Variants in MAPK10 observed in about 807,000 individuals in gnomAD.
MAPK10 encodes mitogen-activated protein kinase 10, also known as JNK3 alpha protein kinase.
MAPK10 carries 25 observed loss-of-function variants against 59.3 expected under a neutral mutation model. The ratio of observed to expected loss-of-function variants is 0.42; its 90% CI spans 0.31 to 0.59. The LOEUF (loss-of-function observed/expected upper bound fraction) is 0.59, where lower values mean the gene tolerates loss of function less well. Ranked by LOEUF, MAPK10 falls within the 20% of genes least tolerant of loss-of-function variation. MAPK10 has a pLI of 0.15. For synonymous variants in MAPK10, 190 were observed against 200.5 expected, an observed-to-expected ratio of 0.95 and a Z score of 0.44; for missense variants, 351 against 568.9, an observed-to-expected ratio of 0.62 and a Z score of 3.90.
At chr4:86,481,430 A>G (rs370746389) in intron 1 of MAPK10, among the ~76,000 whole-genome samples, 1 of 69,796 alleles carries the variant, frequency 1.4e-5, no homozygotes, top group Non-Finnish European at 3.9e-5. Flanking sequence ...AAAGTGGAGG[A>G]AAAAAAAAAA....
chr4:86,092,409 T>A (rs938584471), intron 9 of MAPK10, among the ~76,000 whole-genome samples: 3 of 152,078 alleles, frequency 2.0e-5, no homozygotes, highest in African/African-American at 7.2e-5. Flanking sequence ...TAGATTTTTA[T>A]GTATTCAAGA....
At chr4:86,452,140 A>G (rs1347122050) in intron 1 of MAPK10, among the ~76,000 whole-genome samples, 1 of 152,214 alleles carries the variant, frequency 6.6e-6, no homozygotes, top group East Asian at 1.9e-4. Context: ...CTCCTCCACC[A>G]TATTATTAAA....
chr4:86,194,313 T>C, intron 3 of MAPK10, 23 bp downstream of exon 3: 1 of 1,596,314 alleles, frequency 6.3e-7, no homozygotes, highest in East Asian at 2.2e-5. Context: ...CTGTACCTTG[T>C]TTTACCTGTA....
intron 1 of MAPK10, among the ~76,000 whole-genome samples, chr4:86,551,638 C>G (rs1028970665): frequency 6.6e-6 from 1 of 151,716 alleles, no homozygotes; most frequent in Non-Finnish European, 1.5e-5. Context: ...TGGAGTCTCA[C>G]TCTATCACCC....
chr4:86,265,455 G>A (rs1448054480), intron 2 of MAPK10, among the ~76,000 whole-genome samples: 1 of 151,258 alleles, frequency 6.6e-6, no homozygotes, highest in Non-Finnish European at 1.5e-5. Flanking sequence ...GTTGCAGTGA[G>A]CCATGATCAT....
intron 9 of MAPK10, among the ~76,000 whole-genome samples, chr4:86,092,357 A>T (rs1291874401): frequency 1.3e-5 from 2 of 152,112 alleles, no homozygotes; most frequent in Non-Finnish European, 2.9e-5. Context: ...AAGCTCTGTT[A>T]TCTTGAATTA....
intron 2 of MAPK10, among the ~76,000 whole-genome samples, chr4:86,304,241 T>C (rs1231740528): frequency 1.3e-5 from 2 of 152,100 alleles, no homozygotes; most frequent in East Asian, 3.9e-4. Flanking sequence ...TGCAAGAGTA[T>C]AGACTGTCCA....
intron 1 of MAPK10, among the ~76,000 whole-genome samples, chr4:86,532,099 CAT>C (rs1264138458): frequency 6.8e-6 from 1 of 147,038 alleles, no homozygotes; most frequent in Non-Finnish European, 1.5e-5. Flanking sequence ...TATATACATA[CAT>C]ATATATATAA....
intron 1 of MAPK10, among the ~76,000 whole-genome samples, chr4:86,536,950 G>A (rs1053847927): frequency 6.6e-6 from 1 of 152,132 alleles, no homozygotes; most frequent in African/African-American, 2.4e-5. Context: ...GGAAAGCCAT[G>A]GTGGTAAGAT....
chr4:86,190,237 G>C (rs1328036043), intron 3 of MAPK10, among the ~76,000 whole-genome samples: 4 of 152,030 alleles, frequency 2.6e-5, no homozygotes, highest in Admixed American at 6.6e-5. Flanking sequence ...GCCAGGTTTT[G>C]GTATCAGTAT....
chr4:86,269,675 C>G (rs889375560), intron 2 of MAPK10, among the ~76,000 whole-genome samples: 3 of 152,098 alleles, frequency 2.0e-5, no homozygotes, highest in Non-Finnish European at 4.4e-5. Context: ...CTGCAGCACT[C>G]TATTCCTACC....
At chr4:86,205,386 C>T (rs1404536791) in intron 2 of MAPK10, among the ~76,000 whole-genome samples, 1 of 151,856 alleles carries the variant, frequency 6.6e-6, no homozygotes, top group Admixed American at 6.6e-5. Flanking sequence ...GAAAAATTCA[C>T]GATCACAGTG....
chr4:86,136,932 CAAAG>C (rs1488025030), intron 4 of MAPK10, among the ~76,000 whole-genome samples: 2 of 152,098 alleles, frequency 1.3e-5, no homozygotes, highest in African/African-American at 2.4e-5. Flanking sequence ...TGAAAAGAGA[CAAAG>C]AAGGCCATTA....
chr4:86,498,550 A>G (rs796734833), intron 1 of MAPK10, among the ~76,000 whole-genome samples: 3 of 152,348 alleles, frequency 2.0e-5, no homozygotes, highest in African/African-American at 7.2e-5. Context: ...AAAGGAGACT[A>G]GGATCATTAA....
At chr4:86,099,992 T>TA (rs1580237500) in intron 8 of MAPK10, 1 of 152,258 alleles carries the variant, frequency 6.6e-6, no homozygotes, top group East Asian at 1.9e-4. Flanking sequence ...AATGCATACA[T>TA]ACATTATCTG....
intron 1 of MAPK10, among the ~76,000 whole-genome samples, chr4:86,355,974 A>G (rs913350242): frequency 1.3e-5 from 2 of 152,250 alleles, no homozygotes; most frequent in South Asian, 2.1e-4. Flanking sequence ...TTTTATTTCT[A>G]TGAAGACAAG....
rs531144977 is a variant in MAPK10, at chr4:86,042,794, A to G, written c.1111-11363T>C. On this transcript the variant is annotated intron_variant, in intron 11 of 13. Transcript: ENST00000641462. The stretch of plus-strand genomic sequence containing the variant: ...AAAAAAGAGGGGAAGAAATGAACAA[A>G]GAACCTACAAAACAACCAGAAAACA... Among the ~76,000 whole-genome samples, 130 of 152,286 alleles carry G rather than the reference A, an allele frequency of 8.5e-4. No homozygotes were observed. The Middle Eastern group carries it at 0.01, about 12-fold the overall frequency.
At chr4:86,291,265 C>A (rs1051932226) in intron 2 of MAPK10, among the ~76,000 whole-genome samples, 1 of 152,220 alleles carries the variant, frequency 6.6e-6, no homozygotes, top group African/African-American at 2.4e-5. Context: ...ATAACCTCTA[C>A]TCTTATGGAA....
At chr4:86,391,845 C>A (rs1335285508) in intron 1 of MAPK10, among the ~76,000 whole-genome samples, 4 of 152,182 alleles carry the variant, frequency 2.6e-5, no homozygotes. Flanking sequence ...GGACAAATAG[C>A]CCTTTCACAT....
Sources: allele counts gnomAD v4.1 joint callset (sites outside exome capture counted in the v4.1 genomes callset), GRCh38; gene constraint gnomAD v4.1.1; transcripts MANE v1.5; gene names NCBI Gene and HGNC (gene_info 2026-07-23, HGNC 2026-07-21).